The following AARS1 variants were observed in gnomAD, a reference collection of about 807,000 sequenced individuals.
AARS1 encodes alanine--tRNA ligase, cytoplasmic.
Under a neutral mutation model 108.9 loss-of-function variants are expected in AARS1, and 72 were observed. The ratio of observed to expected loss-of-function variants is 0.66; its 90% CI spans 0.55 to 0.80. AARS1 has a LOEUF of 0.80. Among genes scored for constraint, AARS1 ranks in the 30% least tolerant of loss-of-function variants. The pLI is 0.00. For synonymous variants in AARS1, 489 were observed against 465.7 expected (o/e 1.05, Z -0.64); for missense variants, 1,193 against 1,233.2 (o/e 0.97, Z 0.49).
chr16:70,254,446 G>A, intron 17 of AARS1, 175 bp downstream of exon 17: 3 of 649,130 alleles, frequency 4.6e-6, no homozygotes, highest in Non-Finnish European at 8.4e-6. Flanking sequence ...GAATGTCCAG[G>A]GTCCAAGGAC....
intron 11 of AARS1, among the ~76,000 whole-genome samples, chr16:70,262,985 A>AAAAAC (rs1960175541): frequency 6.8e-6 from 1 of 146,456 alleles, no homozygotes; most frequent in Non-Finnish European, 1.5e-5. Flanking sequence ...AAAAAAAAAA[A>AAAAAC]AAAAAAAAAA....
At chr16:70,257,894 T>C in intron 15 of AARS1, 139 bp downstream of exon 15, 1 of 898,048 alleles carries the variant, frequency 1.1e-6, no homozygotes, top group Non-Finnish European at 1.8e-6. Context: ...CTGAGATTCT[T>C]GGGAACGCTA....
chr16:70,258,995 C>G lies in AARS1; in HGVS notation c.1977G>C (p.Met659Ile). 1 of 1,614,198 alleles carries G rather than the reference C, an allele frequency of 6.2e-7. No individual in the cohort carries two copies. Among genetic ancestry groups the G allele is most frequent in the Non-Finnish European group, 8.5e-7 (1 of 1,180,048 alleles). The change falls in exon 14 of 21, where the codon ATG (methionine) becomes ATC (isoleucine). Residue 659 changes from methionine to isoleucine, a missense_variant. Coordinates refer to ENST00000261772, the MANE Select transcript of AARS1 (RefSeq NM_001605.3). The stretch of plus-strand genomic sequence containing the variant: ...CCCATCCTACCTTGGCTGCCTCAAT[C>G]ATCTCATTAGCAATCTCTTCAGCCT... ...IKKAEEIANE[M>I]IEAAKAVYTQ...
rs376280288 is a variant in AARS1 at position 70,258,182 on chromosome 16, C to T, written c.2028G>A (p.Ala676=). Residue 676 remains alanine, a synonymous_variant, in exon 15 of 21, where the codon GCG becomes GCA. Coordinates refer to ENST00000261772, the MANE Select transcript of AARS1 (RefSeq NM_001605.3). ...VYTQDCPLAA[A]KAIQGLRAVF... ...CAGCCCGTAGGCCCTGGATGGCTTT[C>T]GCTGCTGCCAGGGGGCAATCCTGGG... 4.1e-5 allele frequency: 65 copies of T among 1,604,836 alleles called. No homozygotes were observed. The highest frequency in any genetic ancestry group is 5.3e-5 in the Non-Finnish European group (62 of 1,175,382).
intron 5 of AARS1, among the ~76,000 whole-genome samples, chr16:70,271,253 G>C (rs1960394350): frequency 6.6e-6 from 1 of 151,974 alleles, no homozygotes; most frequent in African/African-American, 2.4e-5. Flanking sequence ...TCCAGTTCTG[G>C]CACGGTGGCT....
At chr16:70,273,765 A>T (rs1437373210) in intron 4 of AARS1, among the ~76,000 whole-genome samples, 1 of 146,860 alleles carries the variant, frequency 6.8e-6, no homozygotes, top group East Asian at 2.1e-4. Context: ...CAGGAGGCTG[A>T]GGCAGGAGAA....
At chr16:70,269,543 G>C in intron 7 of AARS1, 75 bp downstream of exon 7, 1 of 1,596,454 alleles carries the variant, frequency 6.3e-7, no homozygotes, top group South Asian at 1.1e-5. Flanking sequence ...CACACACAAA[G>C]AAAAGTTTCA....
chr16:70,264,908 C>T, intron 11 of AARS1, 50 bp downstream of exon 11: 3 of 1,612,086 alleles, frequency 1.9e-6, no homozygotes, highest in Non-Finnish European at 2.5e-6. Flanking sequence ...TCAAATACCC[C>T]CCAGATACGG....
chr16:70,282,344 A>AAC (rs1160977893), intron 2 of AARS1, among the ~76,000 whole-genome samples: 33 of 151,618 alleles, frequency 2.2e-4, no homozygotes, highest in Admixed American at 1.6e-3. Flanking sequence ...AAAAAAAAAA[A>AAC]AAAAAAAGCT....
At position 70,252,594 on chromosome 16, in the gene AARS1, A is replaced by C; in HGVS notation, c.*127T>G. On this transcript the variant is annotated 3_prime_UTR_variant, in exon 21 of 21. Coordinates refer to ENST00000261772, the MANE Select transcript of AARS1 (RefSeq NM_001605.3). ...GCACTGAGACATAGGACTGCTCCCA[A>C]GTGTGTTCCAGTTACTGCTGGGTTA... 9.4e-7 allele frequency: 1 copy of C among 1,059,234 alleles called. No homozygotes were observed. The highest frequency in any genetic ancestry group is 1.4e-6 in the Non-Finnish European group (1 of 702,020). 65.6% of individuals were successfully genotyped at this position (1,059,234 alleles called of 1,614,324 possible). A position where few individuals can be genotyped will look rare whatever the true frequency, so the allele number is the denominator to read the frequency against.
chr16:70,260,991 G>A (rs911883449), intron 13 of AARS1, 53 bp downstream of exon 13: 1 of 1,388,066 alleles, frequency 7.2e-7, no homozygotes, highest in Middle Eastern at 1.8e-4. Flanking sequence ...TAAAGCCAGA[G>A]GAGAAGATAA....
intron 11 of AARS1, 107 bp downstream of exon 11, chr16:70,264,851 G>A (rs1960225919): frequency 5.6e-6 from 8 of 1,425,920 alleles, no homozygotes; most frequent in Non-Finnish European, 6.8e-6. Context: ...CACTCCAGGA[G>A]AGGCTGTCAG....
Position 70,270,332 on chromosome 16 carries a change from T to C in AARS1, c.680A>G (p.Asp227Gly). The change falls in exon 6 of 21, where the codon GAT becomes GGT. Residue 227 changes from aspartate (D) to glycine (G), a missense_variant. Transcript: ENST00000261772. ...CTTGGGAAGAGGTTTCAGAATGCCA[T>C]CAGCTTCCCTGTATGATCCAGAAGA... ...LVFIQYNREA[D>G]GILKPLPKKS... The C allele has an allele frequency of 6.2e-7, 1 of 1,614,150 alleles. No individual in the cohort carries two copies.
At chr16:70,262,145 A>G (rs1213336435) in intron 12 of AARS1, among the ~76,000 whole-genome samples, 1 of 152,160 alleles carries the variant, frequency 6.6e-6, no homozygotes, top group African/African-American at 2.4e-5. Context: ...CCTGGCTGCA[A>G]AAATACTCCT....
At chr16:70,288,409 G>T (rs1159255250) in intron 1 of AARS1, among the ~76,000 whole-genome samples, 1 of 147,434 alleles carries the variant, frequency 6.8e-6, no homozygotes, top group African/African-American at 2.5e-5. Flanking sequence ...GCGCCCGGCC[G>T]CCTTCCCCTT....
intron 2 of AARS1, among the ~76,000 whole-genome samples, chr16:70,279,670 C>CAAAAAAAAAA (rs367753826): frequency 1.3e-4 from 15 of 114,546 alleles, no homozygotes; most frequent in South Asian, 3.0e-4. Flanking sequence ...CAAAAAAAAA[C>CAAAAAAAAAA]AAAAAAAAAA....
rs1361861418 is a variant in AARS1, at chr16:70,252,453, T to C, written c.*268A>G. ...ATTCCTACTTGCTGACGCGGAAAGC[T>C]CAGGTCTGGAGAGCCGTTATCTATA... On this transcript the variant is annotated 3_prime_UTR_variant, in exon 21 of 21. Transcript: ENST00000261772. The C allele has an allele frequency of 3.7e-6, 2 of 536,420 alleles. No individual in the cohort carries two copies. The highest frequency in any genetic ancestry group is 6.7e-6 in the Non-Finnish European group (2 of 297,388). The allele number at this position is 536,420 out of a possible 1,614,324, so 33.2% of individuals were successfully genotyped here.
intron 2 of AARS1, among the ~76,000 whole-genome samples, chr16:70,282,065 T>G (rs1239898766): frequency 6.6e-6 from 1 of 151,812 alleles, no homozygotes; most frequent in Admixed American, 6.6e-5. Context: ...GGCAGGAGAA[T>G]GGCATGAACC....
chr16:70,270,940 G>T (rs1392481524), intron 5 of AARS1, among the ~76,000 whole-genome samples: 2 of 151,572 alleles, frequency 1.3e-5, no homozygotes, highest in East Asian at 3.9e-4. Flanking sequence ...CTTGAGGTCA[G>T]GAGTTCGAGA....
Sources: allele counts gnomAD v4.1 joint callset (sites outside exome capture counted in the v4.1 genomes callset), GRCh38; gene constraint gnomAD v4.1.1; transcripts MANE v1.5; gene names NCBI Gene and HGNC (gene_info 2026-07-23, HGNC 2026-07-21).